PDGFRA: variants seen among roughly 807,000 people sequenced by gnomAD.
PDGFRA encodes platelet derived growth factor receptor alpha.
A neutral mutation model predicts 121.5 loss-of-function variants in PDGFRA; 25 were observed. That is an observed-to-expected ratio of 0.21 (90% confidence interval 0.15 to 0.29). The LOEUF is 0.29. Ranked by LOEUF, PDGFRA falls within the 10% of genes least tolerant of loss-of-function variation. PDGFRA has a pLI of 1.00. For synonymous variants in PDGFRA, 463 were observed against 494.8 expected, an observed-to-expected ratio of 0.94 and a Z score of 0.85; for missense variants, 1,008 against 1,345.1, an observed-to-expected ratio of 0.75 and a Z score of 3.92.
intron 1 of PDGFRA, among the ~76,000 whole-genome samples, chr4:54,255,199 A>G (rs1350149328): frequency 1.4e-4 from 22 of 152,224 alleles, no homozygotes; most frequent in Admixed American, 1.4e-3. Context: ...GTTATTCTTC[A>G]GAAACACAGC....
chr4:54,236,075 A>G lies in PDGFRA; in HGVS notation c.-13+6660A>G, dbSNP rs556791375. Among the ~76,000 whole-genome samples the G allele has an allele frequency of 2.6e-5, 4 of 152,340 alleles. No homozygotes were observed. In the East Asian group the frequency reaches 5.8e-4, roughly 22 times the overall value. On this transcript the variant is annotated intron_variant, in intron 1 of 22. Coordinates refer to ENST00000257290, the MANE Select transcript of PDGFRA (RefSeq NM_006206.6). Reference sequence around the variant, plus strand: ...GGTCTCTTTCTCAGTTTGTTCCTCTAAGTTATGGCAAATGTTTTTTGAGCT... The same window carrying G: ...GGTCTCTTTCTCAGTTTGTTCCTCTGAGTTATGGCAAATGTTTTTTGAGCT...
chr4:54,267,010 C>A (rs1210655078), intron 5 of PDGFRA, among the ~76,000 whole-genome samples: 8 of 152,066 alleles, frequency 5.3e-5, no homozygotes, highest in African/African-American at 1.9e-4. Flanking sequence ...AATAAAAAAT[C>A]TCATGATTTT....
chr4:54,251,864 A>G (rs1722068518), intron 1 of PDGFRA, among the ~76,000 whole-genome samples: 1 of 152,234 alleles, frequency 6.6e-6, no homozygotes, highest in South Asian at 2.1e-4. Flanking sequence ...AACCAATTTT[A>G]ACAAGAGCCT....
intron 7 of PDGFRA, among the ~76,000 whole-genome samples, chr4:54,269,395 C>T (rs1239830056): frequency 6.6e-6 from 1 of 152,010 alleles, no homozygotes; most frequent in Non-Finnish European, 1.5e-5. Flanking sequence ...TACCCGAGAT[C>T]TTCTCACTCC....
At chr4:54,261,005 A>G (rs1395141664) in intron 2 of PDGFRA, 90 bp from the exon 3 acceptor site, 10 of 1,154,794 alleles carry the variant, frequency 8.7e-6, no homozygotes, top group Non-Finnish European at 1.3e-5. Context: ...GTCATTGTTC[A>G]TCTAAGCTGC....
At chr4:54,259,792 C>T (rs571259859) in intron 2 of PDGFRA, among the ~76,000 whole-genome samples, 1 of 152,204 alleles carries the variant, frequency 6.6e-6, no homozygotes, top group South Asian at 2.1e-4. Context: ...TTATAGTGGT[C>T]ATATATTGAA....
In PDGFRA at chr4:54,280,462, A is replaced by G. The variant is rs61735625; in HGVS notation, c.2303A>G (p.Tyr768Cys). 1.8e-5 allele frequency: 29 copies of G among 1,613,442 alleles called. No individual in the cohort carries two copies. Among genetic ancestry groups the G allele is most frequent in the South Asian group, 9.9e-5 (9 of 91,082 alleles). ...TCACTCTATGATCGTCCAGCCTCATATAAGAAGAAATCTATGTTAGGTAAA... is the reference window on the plus strand; with the variant it reads ...TCACTCTATGATCGTCCAGCCTCATGTAAGAAGAAATCTATGTTAGGTAAA... ...QRSLYDRPAS[Y>C]KKKSMLDSEV... The change falls in exon 16 of 23, where the codon TAT becomes TGT. Residue 768 changes from tyrosine to cysteine, a missense_variant. Around this residue, in one of 5 missense-constraint regions of PDGFRA, gnomAD observed 128 missense variants for 147.6 expected, o/e 0.87. Coordinates refer to ENST00000257290, the MANE Select transcript of PDGFRA (RefSeq NM_006206.6).
At position 54,267,639 on chromosome 4, in the gene PDGFRA, G is replaced by A. The variant is rs77524207; in HGVS notation, c.1019G>A (p.Arg340Gln). Residue 340 changes from arginine (R) to glutamine (Q), a missense_variant, in exon 7 of 23, where the codon CGG (arginine) becomes CAG (glutamine). Around this residue, in one of 5 missense-constraint regions of PDGFRA, gnomAD observed 575 missense variants for 701.8 expected, o/e 0.82. Transcript: ENST00000257290. ...HEVKHFVVEV[R>Q]AYPPPRISWL... Reference sequence around the variant, plus strand: ...GTCAAACATTTTGTTGTAGAGGTGCGGGCCTACCCACCTCCCAGGATATCC... The same window carrying A: ...GTCAAACATTTTGTTGTAGAGGTGCAGGCCTACCCACCTCCCAGGATATCC... 4,608 of 1,614,018 alleles carry A rather than the reference G, an allele frequency of 2.9e-3. 107 individuals are homozygous for A. The African/African-American group carries it at 0.052, about 18-fold the overall frequency.
At chr4:54,246,873 A>G (rs953708639) in intron 1 of PDGFRA, among the ~76,000 whole-genome samples, 1 of 151,164 alleles carries the variant, frequency 6.6e-6, no homozygotes, top group Admixed American at 6.6e-5. Flanking sequence ...AAAAAAAAAA[A>G]TGATAAAGGG....
intron 16 of PDGFRA, among the ~76,000 whole-genome samples, chr4:54,283,122 G>T (rs532459735): frequency 9.2e-5 from 14 of 152,250 alleles, no homozygotes; most frequent in African/African-American, 3.4e-4. Flanking sequence ...TATTCATGGA[G>T]GATGGTGGCC....
chr4:54,253,735 A>G (rs1413927231), intron 1 of PDGFRA, among the ~76,000 whole-genome samples: 2 of 151,958 alleles, frequency 1.3e-5, no homozygotes, highest in Non-Finnish European at 2.9e-5. Context: ...CCCAGGCTGG[A>G]GTGCAGTGGT....
intron 1 of PDGFRA, among the ~76,000 whole-genome samples, chr4:54,237,208 G>T (rs767889348): frequency 5.3e-5 from 8 of 152,176 alleles, no homozygotes; most frequent in Non-Finnish European, 1.0e-4. Flanking sequence ...GACCTCAAGT[G>T]ATCTGCCCAC....
Position 54,295,285 on chromosome 4 carries a change from AG to A in PDGFRA, c.*17del. 6.2e-7 allele frequency: 1 copy of A among 1,613,904 alleles called. No individual in the cohort carries two copies. The highest frequency in any genetic ancestry group is 1.1e-5 in the South Asian group (1 of 91,070). ...CAGCTTCCTGTAACTGGCGGATTCG[AG>A]GGGTTCCTTCCACTTCTGGGGCCAC... On this transcript the variant is annotated 3_prime_UTR_variant, in exon 23 of 23. Transcript: ENST00000257290.
chr4:54,249,189 C>G (rs1417038507), intron 1 of PDGFRA, among the ~76,000 whole-genome samples: 2 of 152,144 alleles, frequency 1.3e-5, no homozygotes, highest in East Asian at 1.9e-4. Flanking sequence ...GTTGGTGGGA[C>G]TGTAAACTAG....
rs572906822 is a variant in PDGFRA, at chr4:54,268,898, C to T, written c.1121+1157C>T. ...ATCCATAGCAGTGGCAGGACAGGCT[C>T]GCCAACTGAGTGGTTCTGGAAAGCT... On this transcript the variant is annotated intron_variant, in intron 7 of 22. Coordinates refer to ENST00000257290, the MANE Select transcript of PDGFRA (RefSeq NM_006206.6). 1.6e-3 allele frequency among the ~76,000 whole-genome samples: 251 copies of T among 152,300 alleles called. 1 individual carries two copies. The highest frequency in any genetic ancestry group is 5.7e-3 in the African/African-American group (238 of 41,568).
intron 7 of PDGFRA, among the ~76,000 whole-genome samples, chr4:54,270,032 C>T (rs1723255655): frequency 6.6e-6 from 1 of 152,070 alleles, no homozygotes; most frequent in Non-Finnish European, 1.5e-5. Context: ...TAAGAAGCCT[C>T]ACTGTACTCC....
rs1722337412 is a variant in PDGFRA, at chr4:54,255,855, A to G, written c.-12-2902A>G. 2.0e-5 allele frequency among the ~76,000 whole-genome samples: 3 copies of G among 152,190 alleles called. No homozygotes were observed. The South Asian group carries it at 6.2e-4, about 32-fold the overall frequency. The stretch of plus-strand genomic sequence containing the variant: ...AACAACAACAACAAACAGTTTATTC[A>G]GTAATTATGTATACGTATTTTAGCT... On this transcript the variant is annotated intron_variant, in intron 1 of 22. Coordinates refer to ENST00000257290, the MANE Select transcript of PDGFRA (RefSeq NM_006206.6).
At chr4:54,256,347 T>C (rs1203811875) in intron 1 of PDGFRA, among the ~76,000 whole-genome samples, 1 of 152,096 alleles carries the variant, frequency 6.6e-6, no homozygotes, top group Non-Finnish European at 1.5e-5. Flanking sequence ...GCGATTCTCC[T>C]GTCTCAGCCT....
intron 22 of PDGFRA, among the ~76,000 whole-genome samples, chr4:54,293,639 C>T (rs1454720990): frequency 6.6e-6 from 1 of 151,988 alleles, no homozygotes; most frequent in Non-Finnish European, 1.5e-5. Flanking sequence ...GCATGTTGGC[C>T]AGGCTGGTTT....
Sources: allele counts gnomAD v4.1 joint callset (sites outside exome capture counted in the v4.1 genomes callset), GRCh38; gene constraint gnomAD v4.1.1; regional missense constraint gnomAD v4.1.1; transcripts MANE v1.5; gene names NCBI Gene and HGNC (gene_info 2026-07-23, HGNC 2026-07-21).